The following SGCZ variants were observed in gnomAD, a reference collection of about 807,000 sequenced individuals.
SGCZ encodes the protein zeta-sarcoglycan.
A neutral mutation model predicts 41.3 loss-of-function variants in SGCZ; 40 were observed. The ratio of observed to expected loss-of-function variants is 0.97; its 90% CI spans 0.75 to 1.26. The LOEUF is 1.26. SGCZ is among the 50% of genes most tolerant of loss of function. The pLI is 0.00. For synonymous variants in SGCZ, 206 were observed against 137.5 expected (o/e 1.50, Z -3.49); for missense variants, 552 against 369.8 (o/e 1.49, Z -4.04).
intron 1 of SGCZ, among the ~76,000 whole-genome samples, chr8:14,637,372 G>A (rs1372911889): frequency 1.3e-5 from 2 of 150,942 alleles, no homozygotes; most frequent in South Asian, 4.2e-4. Flanking sequence ...TTTGTTACAC[G>A]AGTAAATTGC....
chr8:15,059,478 C>A (rs1482079561), intron 1 of SGCZ, among the ~76,000 whole-genome samples: 2 of 152,046 alleles, frequency 1.3e-5, no homozygotes, highest in African/African-American at 2.4e-5. Flanking sequence ...TTTAGATCCT[C>A]CATAAAAGGG....
chr8:14,335,592 A>T (rs1216301402), intron 2 of SGCZ, among the ~76,000 whole-genome samples: 1 of 152,128 alleles, frequency 6.6e-6, no homozygotes, highest in East Asian at 1.9e-4. Flanking sequence ...ACATACCTTT[A>T]GCTAAATCAA....
At chr8:14,886,785 G>C (rs1264050393) in intron 1 of SGCZ, among the ~76,000 whole-genome samples, 1 of 152,198 alleles carries the variant, frequency 6.6e-6, no homozygotes, top group African/African-American at 2.4e-5. Context: ...CAACATGGTA[G>C]AATTTGAGTC....
At chr8:14,118,679 GT>G (rs1336572226) in intron 5 of SGCZ, among the ~76,000 whole-genome samples, 2 of 152,102 alleles carry the variant, frequency 1.3e-5, no homozygotes, top group Non-Finnish European at 2.9e-5. Flanking sequence ...TTCTTCCAGG[GT>G]TTTTATGGTT....
At chr8:14,594,177 AAAATAAATAAATAAAT>A (rs147529594) in intron 1 of SGCZ, among the ~76,000 whole-genome samples, 4,095 of 136,188 alleles carry the variant, frequency 0.03, 76 homozygotes, top group Middle Eastern at 0.042. Flanking sequence ...TCCATCTCAA[AAAATAAATAAATAAAT>A]AAATAAATAA....
intron 1 of SGCZ, among the ~76,000 whole-genome samples, chr8:14,670,039 A>G (rs1172893079): frequency 1.3e-5 from 2 of 152,210 alleles, no homozygotes; most frequent in Non-Finnish European, 2.9e-5. Context: ...TATCTTTTTC[A>G]GCTGTAATGA....
At chr8:14,851,446 G>A (rs1180324189) in intron 1 of SGCZ, among the ~76,000 whole-genome samples, 1 of 150,960 alleles carries the variant, frequency 6.6e-6, no homozygotes, top group Non-Finnish European at 1.5e-5. Context: ...ACATCTATCT[G>A]GAAAAGAAAT....
At chr8:14,453,249 C>CATTCAG (rs1221393081) in intron 2 of SGCZ, among the ~76,000 whole-genome samples, 1 of 152,072 alleles carries the variant, frequency 6.6e-6, no homozygotes, top group Non-Finnish European at 1.5e-5. Flanking sequence ...TCATTGTGAG[C>CATTCAG]AGCCTATGTC....
chr8:14,843,439 T>C (rs1411825654), intron 1 of SGCZ, among the ~76,000 whole-genome samples: 1 of 152,182 alleles, frequency 6.6e-6, no homozygotes, highest in East Asian at 1.9e-4. Context: ...TAGTATTTTG[T>C]ATGTACCTTG....
intron 1 of SGCZ, among the ~76,000 whole-genome samples, chr8:14,921,781 G>C (rs1165778623): frequency 6.6e-6 from 1 of 152,072 alleles, no homozygotes; most frequent in African/African-American, 2.4e-5. Context: ...TTTAGTAAAA[G>C]TTCACTCCTT....
intron 5 of SGCZ, among the ~76,000 whole-genome samples, chr8:14,147,318 A>AACACACTTGACCTATAAAGAT (rs1362293974): frequency 6.6e-6 from 1 of 152,146 alleles, no homozygotes; most frequent in East Asian, 1.9e-4. Flanking sequence ...GCCTCCAAGA[A>AACACACTTGACCTATAAAGAT]ACACACTTGA....
chr8:14,908,902 C>T (rs997628022), intron 1 of SGCZ, among the ~76,000 whole-genome samples: 3 of 152,064 alleles, frequency 2.0e-5, no homozygotes, highest in Non-Finnish European at 4.4e-5. Context: ...TTTCAAAGTG[C>T]ATTGTATTAG....
Position 14,859,957 on chromosome 8 carries a change from C to T in SGCZ, c.40-305031G>A, listed in dbSNP as rs1287005346. On this transcript the variant is annotated intron_variant, in intron 1 of 7. Transcript: ENST00000382080. Reference sequence around the variant, plus strand: ...AAATTGACTCAGATGTCTTGAATGACTCTATAATTTTTAAAAGTCAAATTA... The same window carrying T: ...AAATTGACTCAGATGTCTTGAATGATTCTATAATTTTTAAAAGTCAAATTA... Among the ~76,000 whole-genome samples the T allele has an allele frequency of 2.0e-5, 3 of 152,150 alleles. No individual in the cohort carries two copies. The East Asian group carries it at 5.8e-4, about 30-fold the overall frequency.
chr8:14,667,717 A>C (rs912937833), intron 1 of SGCZ, among the ~76,000 whole-genome samples: 12 of 152,168 alleles, frequency 7.9e-5, no homozygotes, highest in Non-Finnish European at 1.8e-4. Flanking sequence ...GTTGATTTTC[A>C]TGATGCTTAG....
chr8:14,149,656 GAA>G (rs35798060), intron 5 of SGCZ, among the ~76,000 whole-genome samples: 2 of 140,496 alleles, frequency 1.4e-5, no homozygotes, highest in South Asian at 2.2e-4. Flanking sequence ...TTCTTCATAG[GAA>G]AAAAAAAAAA....
chr8:14,417,492 C>T (rs11987419), intron 2 of SGCZ, among the ~76,000 whole-genome samples: 103,536 of 151,692 alleles, frequency 0.68, 35,427 homozygotes, highest in East Asian at 0.83. Flanking sequence ...ATTACTTGGT[C>T]AAATCTGGAA....
chr8:14,232,835 T>C (rs921740428), intron 4 of SGCZ, among the ~76,000 whole-genome samples: 2 of 152,030 alleles, frequency 1.3e-5, no homozygotes, highest in Non-Finnish European at 2.9e-5. Context: ...ATACCTATGA[T>C]GAAATACAAG....
intron 3 of SGCZ, among the ~76,000 whole-genome samples, chr8:14,261,139 A>G (rs1191391149): frequency 2.6e-5 from 4 of 152,184 alleles, no homozygotes; most frequent in Admixed American, 2.0e-4. Flanking sequence ...TTTGCAATAT[A>G]AAATTTCACT....
At chr8:14,710,610 G>C (rs1431448808) in intron 1 of SGCZ, among the ~76,000 whole-genome samples, 2 of 151,770 alleles carry the variant, frequency 1.3e-5, no homozygotes, top group African/African-American at 4.8e-5. Flanking sequence ...CCTTATTTGT[G>C]TATTTATTGT....
Sources: gnomAD v4.1 joint callset for allele counts (sites outside exome capture counted in the v4.1 genomes callset) on GRCh38, gnomAD v4.1.1 for gene constraint, MANE v1.5 for transcripts, NCBI Gene and HGNC (gene_info 2026-07-23, HGNC 2026-07-21) for gene names.